MAST4: variants seen among roughly 807,000 people sequenced by gnomAD.
MAST4 encodes microtubule associated serine/threonine kinase family member 4, also known as microtubule-associated serine/threonine-protein kinase 4.
In MAST4, 89 loss-of-function variants were observed where a neutral mutation model predicts 162.7. The ratio of observed to expected loss-of-function variants is 0.55; its 90% CI spans 0.46 to 0.65. The LOEUF (loss-of-function observed/expected upper bound fraction) is 0.65, where lower values mean the gene tolerates loss of function less well. Among genes scored for constraint, MAST4 ranks in the 30% least tolerant of loss-of-function variants. The probability of loss-of-function intolerance (pLI) is 0.00; values close to 1 mark genes in which losing one functional copy is unlikely to be tolerated. For synonymous variants in MAST4, 1,479 were observed against 1,361.1 expected, an observed-to-expected ratio of 1.09 and a Z score of -1.91; for missense variants, 3,153 against 3,374.0, an observed-to-expected ratio of 0.93 and a Z score of 1.62.
At chr5:66,807,128 G>A (rs145283101) in intron 3 of MAST4, among the ~76,000 whole-genome samples, 31 of 152,310 alleles carry the variant, frequency 2.0e-4, no homozygotes, top group African/African-American at 7.0e-4. Flanking sequence ...ATCACATCAT[G>A]GAGAAAGAGT....
chr5:66,857,688 T>G (rs1759790384), intron 3 of MAST4, among the ~76,000 whole-genome samples: 1 of 152,220 alleles, frequency 6.6e-6, no homozygotes, highest in African/African-American at 2.4e-5. Flanking sequence ...TTTCATCTAT[T>G]CTAAGTTGTT....
rs191118907 is a variant in MAST4, at chr5:66,678,636, C to T, written c.364-81073C>T. On this transcript the variant is annotated intron_variant, in intron 1 of 28. Transcript: ENST00000403625. The stretch of plus-strand genomic sequence containing the variant: ...CAACCTGCCAAGTAGCTGGGACTAC[C>T]GGTGCACGCCACCACACTCAGCTAA... Among the ~76,000 whole-genome samples, 5 of 149,278 alleles carry T rather than the reference C, an allele frequency of 3.3e-5. No individual in the cohort carries two copies. In the South Asian group the frequency reaches 6.4e-4, roughly 19 times the overall value.
At chr5:66,658,404 T>G (rs920029714) in intron 1 of MAST4, among the ~76,000 whole-genome samples, 1 of 152,242 alleles carries the variant, frequency 6.6e-6, no homozygotes, top group East Asian at 1.9e-4. Context: ...AATGTGTTAA[T>G]TGTAGAACTG....
In MAST4 at chr5:66,838,544, T is replaced by C. The variant is rs143242294; in HGVS notation, c.642+49750T>C. On this transcript the variant is annotated intron_variant, in intron 3 of 28. Coordinates refer to ENST00000403625, the MANE Select transcript of MAST4 (RefSeq NM_001164664.2). ...ACTGACCTGTGAAGGGTTTCTGTTA[T>C]GGTAGGTGAGACAGACAACAGTTTC... is the stretch of plus-strand genomic sequence containing the variant. Among the ~76,000 whole-genome samples the C allele has an allele frequency of 3.0e-3, 462 of 152,324 alleles. 9 individuals carry two copies. The highest frequency in any genetic ancestry group is 0.022 in the Admixed American group (335 of 15,290).
chr5:67,114,254 C>A, intron 12 of MAST4, 35 bp downstream of exon 12: 1 of 1,589,976 alleles, frequency 6.3e-7, no homozygotes, highest in Non-Finnish European at 8.5e-7. Context: ...TTTGACTTTG[C>A]TTATGCACTG....
chr5:67,145,045 G>A (rs769455864), intron 22 of MAST4, 99 bp from the exon 23 acceptor site: 31 of 1,094,212 alleles, frequency 2.8e-5, no homozygotes, highest in Non-Finnish European at 3.9e-5. Context: ...TCTTGGTTAG[G>A]CTTATCCAAG....
intron 4 of MAST4, among the ~76,000 whole-genome samples, chr5:67,034,099 C>A (rs898214728): frequency 1.4e-4 from 22 of 152,076 alleles, no homozygotes; most frequent in Non-Finnish European, 4.4e-5. Context: ...TACAGTCTAT[C>A]CATTTAAACA....
At chr5:67,090,122 A>T (rs2150788566) in intron 5 of MAST4, 40 bp from the exon 6 acceptor site, 1 of 1,368,982 alleles carries the variant, frequency 7.3e-7, no homozygotes, top group Non-Finnish European at 1.0e-6. Context: ...AATGATACAC[A>T]AAATCATGTA....
chr5:67,045,496 C>G (rs548524202), intron 4 of MAST4, among the ~76,000 whole-genome samples: 1 of 152,310 alleles, frequency 6.6e-6, no homozygotes, highest in East Asian at 1.9e-4. Context: ...AAAATGTACA[C>G]TTATACACAG....
chr5:66,660,116 C>T (rs1490632262), intron 1 of MAST4, among the ~76,000 whole-genome samples: 4 of 152,172 alleles, frequency 2.6e-5, no homozygotes, highest in South Asian at 2.1e-4. Flanking sequence ...TGGCTGGCCA[C>T]GGTGGCTCAC....
intron 4 of MAST4, among the ~76,000 whole-genome samples, chr5:67,028,625 A>T (rs2150419629): frequency 6.6e-6 from 1 of 152,232 alleles, no homozygotes; most frequent in South Asian, 2.1e-4. Flanking sequence ...AGAAGAACTA[A>T]AGTGGAGGTT....
chr5:66,818,922 T>C (rs1756861724), intron 3 of MAST4, among the ~76,000 whole-genome samples: 1 of 152,238 alleles, frequency 6.6e-6, no homozygotes, highest in Non-Finnish European at 1.5e-5. Flanking sequence ...CCGGTCTCTT[T>C]TCTTTCTACT....
rs138613331 is a variant in MAST4, at chr5:66,608,599, C to T, written c.363+11581C>T. Among the ~76,000 whole-genome samples the T allele has an allele frequency of 1.7e-3, 263 of 152,070 alleles. 2 individuals carry two copies. Among genetic ancestry groups the T allele is most frequent in the Admixed American group, 0.011 (169 of 15,280 alleles). ...ACTGTCTCTCACCTCCCAATCCCTG[C>T]GGAGGAGTTTGACTCCAGAGGACAT... On this transcript the variant is annotated intron_variant, in intron 1 of 28. Transcript: ENST00000403625.
intron 4 of MAST4, among the ~76,000 whole-genome samples, chr5:66,923,231 G>A (rs914668317): frequency 6.6e-6 from 1 of 152,172 alleles, no homozygotes; most frequent in Non-Finnish European, 1.5e-5. Context: ...TGCAAAGCCA[G>A]ATGGCTTTGT....
chr5:66,927,240 A>G (rs1429171731), intron 4 of MAST4, among the ~76,000 whole-genome samples: 1 of 152,222 alleles, frequency 6.6e-6, no homozygotes, highest in Admixed American at 6.5e-5. Context: ...ACAGTGACCC[A>G]TAGAATACAC....
chr5:66,754,449 T>C (rs1753400508), intron 1 of MAST4, among the ~76,000 whole-genome samples: 1 of 152,212 alleles, frequency 6.6e-6, no homozygotes, highest in African/African-American at 2.4e-5. Context: ...TACTAGAGAC[T>C]CACTTTAGTT....
At chr5:66,619,575 G>A (rs1449770466) in intron 1 of MAST4, among the ~76,000 whole-genome samples, 1 of 152,038 alleles carries the variant, frequency 6.6e-6, no homozygotes, top group Non-Finnish European at 1.5e-5. Flanking sequence ...AAGTAAGTTT[G>A]TTGAGGGGAA....
At chr5:66,937,227 A>G (rs1197574167) in intron 4 of MAST4, among the ~76,000 whole-genome samples, 1 of 152,200 alleles carries the variant, frequency 6.6e-6, no homozygotes, top group African/African-American at 2.4e-5. Flanking sequence ...CAGGACACAC[A>G]TGGCCCCTTC....
At chr5:67,034,629 G>C (rs1755782241) in intron 4 of MAST4, among the ~76,000 whole-genome samples, 1 of 152,302 alleles carries the variant, frequency 6.6e-6, no homozygotes, top group South Asian at 2.1e-4. Context: ...ACTCTAGTTA[G>C]ATTTGGCATT....
Sources: allele counts gnomAD v4.1 joint callset (sites outside exome capture counted in the v4.1 genomes callset), GRCh38; gene constraint gnomAD v4.1.1; transcripts MANE v1.5; gene names NCBI Gene and HGNC (gene_info 2026-07-23, HGNC 2026-07-21).